Variants in FXYD6 observed in about 807,000 individuals in gnomAD.
FXYD6 encodes FXYD domain-containing ion transport regulator 6.
FXYD6 carries 7 observed loss-of-function variants against 16.7 expected under a neutral mutation model. The observed-to-expected ratio is 0.42, with a 90% CI of 0.24 to 0.79. FXYD6 has a LOEUF of 0.79. FXYD6 is among the 30% of genes least tolerant of loss of function. The pLI, the probability that FXYD6 is intolerant of heterozygous loss-of-function variation, is 0.28. For missense variants in FXYD6, 111 were observed against 116.2 expected (o/e 0.95, Z 0.21); for synonymous variants, 49 against 43.0 (o/e 1.14, Z -0.54).
intron 1 of FXYD6, chr11:117,843,781 G>C (rs528435027): frequency 2.0e-5 from 3 of 152,330 alleles, no homozygotes; most frequent in African/African-American, 7.2e-5. Context: ...CCCAGCCTCT[G>C]CTTCCCCAGA....
At chr11:117,840,447 G>A (rs2056312738) in intron 5 of FXYD6, 79 bp from the exon 6 acceptor site, 2 of 1,587,138 alleles carry the variant, frequency 1.3e-6, no homozygotes, top group Admixed American at 1.7e-5. Flanking sequence ...TCCTCACTGG[G>A]GCACAGCTGC....
At chr11:117,843,368 G>A (rs958066994) in intron 1 of FXYD6, among the ~76,000 whole-genome samples, 5 of 152,224 alleles carry the variant, frequency 3.3e-5, no homozygotes, top group Admixed American at 6.5e-5. Context: ...GCACCAGAGT[G>A]AGTAGCAGGG....
Position 117,858,696 on chromosome 11 carries a change from TTTCTTTC to T in FXYD6, c.-5-15922_-5-15916del, listed in dbSNP as rs1565323679. Among the ~76,000 whole-genome samples, 287 of 67,970 alleles carry T rather than the reference TTTCTTTC, an allele frequency of 4.2e-3. 5 individuals carry two copies. The highest frequency in any genetic ancestry group is 0.019 in the African/African-American group (261 of 13,424). The allele number at this position is 67,970 out of a possible 152,430, so 44.6% of individuals were successfully genotyped here. A position where few individuals can be genotyped will look rare whatever the true frequency, so the allele number is the denominator to read the frequency against. Reference sequence around the variant, plus strand: ...CTTTCTTTCTTTCTTTCTTTCTTTCTTTCTTTCTCTCTCTCTCTCCTTCCTTCCCTTC... The same window carrying T: ...CTTTCTTTCTTTCTTTCTTTCTTTCTTCTCTCTCTCTCCTTCCTTCCCTTC... On this transcript the variant is annotated intron_variant, in intron 1 of 7. Transcript: ENST00000526014.
Position 117,837,991 on chromosome 11 carries a change from C to A in FXYD6, c.*308G>T. On this transcript the variant is annotated 3_prime_UTR_variant, in exon 8 of 8. Transcript: ENST00000526014. This position sits in a 1 kb window ranked among gnomAD's most constrained non-coding sequence, Gnocchi z 4.4. The stretch of plus-strand genomic sequence containing the variant: ...CCACAGTTCACTAACAAACACAATA[C>A]CATCCACAAACAAGTAGCCACAAAG... 2 of 591,876 alleles carry A rather than the reference C, an allele frequency of 3.4e-6. No homozygotes were observed. Among genetic ancestry groups the A allele is most frequent in the Non-Finnish European group, 6.1e-6 (2 of 329,268 alleles). The allele number at this position is 591,876 out of a possible 1,614,324, so 36.7% of individuals were successfully genotyped here.
chr11:117,862,083 GA>G (rs2056919073), intron 1 of FXYD6, among the ~76,000 whole-genome samples: 1 of 152,214 alleles, frequency 6.6e-6, no homozygotes, highest in Non-Finnish European at 1.5e-5. Context: ...AGGAGAAACT[GA>G]AAAGGCGATG....
chr11:117,846,145 G>A (rs902399928), intron 1 of FXYD6, among the ~76,000 whole-genome samples: 1 of 152,180 alleles, frequency 6.6e-6, no homozygotes, highest in Admixed American at 6.5e-5. Flanking sequence ...CAATCTAGAG[G>A]TAAAAGATGG....
intron 1 of FXYD6, among the ~76,000 whole-genome samples, chr11:117,873,764 C>A (rs975210174): frequency 6.6e-6 from 1 of 151,764 alleles, no homozygotes; most frequent in African/African-American, 2.4e-5. Flanking sequence ...GGGTGGACTC[C>A]CCCGAGGCTG....
rs1402159425 is a variant in FXYD6 at position 117,872,738 on chromosome 11, A to G, written c.-6+3854T>C. Reference sequence around the variant, plus strand: ...TCCCTCCCACATCTTTGTAACAAACATGTTCCTGCGCAGCCTACAAGCTGG... The same window carrying G: ...TCCCTCCCACATCTTTGTAACAAACGTGTTCCTGCGCAGCCTACAAGCTGG... On this transcript the variant is annotated intron_variant, in intron 1 of 7. Coordinates refer to ENST00000526014, the MANE Select transcript of FXYD6 (RefSeq NM_022003.4). This position sits in a 1 kb window ranked among gnomAD's most constrained non-coding sequence, Gnocchi z 4.9. Among the ~76,000 whole-genome samples the G allele has an allele frequency of 6.6e-6, 1 of 152,022 alleles. No homozygotes were observed. Among genetic ancestry groups the G allele is most frequent in the Non-Finnish European group, 1.5e-5 (1 of 67,998 alleles).
rs536000754 is a variant in FXYD6 at position 117,846,672 on chromosome 11, G to T, written c.-5-3891C>A. On this transcript the variant is annotated intron_variant, in intron 1 of 7. Coordinates refer to ENST00000526014, the MANE Select transcript of FXYD6 (RefSeq NM_022003.4). ...GCTATGCCACCTTTGTCACATATCT[G>T]ATTTCTATTTGGTGTGCATCAGTTT... Among the ~76,000 whole-genome samples, 3 of 152,288 alleles carry T rather than the reference G, an allele frequency of 2.0e-5. No individual in the cohort carries two copies. In the South Asian group the frequency reaches 6.2e-4, roughly 32 times the overall value.
Position 117,857,598 on chromosome 11 carries a change from G to A in FXYD6, c.-5-14817C>T, listed in dbSNP as rs554768540. Among the ~76,000 whole-genome samples, 14 of 152,062 alleles carry A rather than the reference G, an allele frequency of 9.2e-5. No homozygotes were observed. In the East Asian group the frequency reaches 2.1e-3, roughly 23 times the overall value. The stretch of plus-strand genomic sequence containing the variant: ...TAATTTTTGTATTTTTAGTAGAGAC[G>A]GAGTTTCACCATGTTGGCCAAGATG... On this transcript the variant is annotated intron_variant, in intron 1 of 7. Coordinates refer to ENST00000526014, the MANE Select transcript of FXYD6 (RefSeq NM_022003.4).
At chr11:117,853,888 C>T (rs1305963388) in intron 1 of FXYD6, among the ~76,000 whole-genome samples, 2 of 152,228 alleles carry the variant, frequency 1.3e-5, no homozygotes, top group Non-Finnish European at 1.5e-5. Context: ...ATTTTCATTC[C>T]TTCTTTAAAC....
intron 1 of FXYD6, among the ~76,000 whole-genome samples, 169 bp from the exon 2 acceptor site, chr11:117,842,950 T>C (rs2056388602): frequency 6.6e-6 from 1 of 152,122 alleles, no homozygotes; most frequent in Admixed American, 6.5e-5. Context: ...TTTTTTTTTT[T>C]TGAGACAGAG....
At chr11:117,858,663 CTT>C (rs1704344239) in intron 1 of FXYD6, among the ~76,000 whole-genome samples, 1 of 81,536 alleles carries the variant, frequency 1.2e-5, no homozygotes, top group African/African-American at 5.6e-5. Context: ...TTCTTTCTTT[CTT>C]TCTTTCTTTC....
intron 1 of FXYD6, among the ~76,000 whole-genome samples, chr11:117,853,258 G>A (rs2056647676): frequency 6.6e-6 from 1 of 152,196 alleles, no homozygotes; most frequent in Non-Finnish European, 1.5e-5. Context: ...CTTTCTTTCA[G>A]AGAGCATTTG....
chr11:117,856,949 G>C (rs576645765), intron 1 of FXYD6, among the ~76,000 whole-genome samples: 1 of 152,354 alleles, frequency 6.6e-6, no homozygotes, highest in East Asian at 1.9e-4. Flanking sequence ...GGGCAGAACA[G>C]GGCTGGCAGA....
At chr11:117,857,703 G>A (rs371010279) in intron 1 of FXYD6, among the ~76,000 whole-genome samples, 66 of 152,244 alleles carry the variant, frequency 4.3e-4, no homozygotes, top group Middle Eastern at 3.4e-3. Flanking sequence ...CACCACACCC[G>A]GCCCAGGTGG....
rs573493329 is a variant in FXYD6 at position 117,839,436 on chromosome 11, G to A, written c.*21+345C>T. 17 of 327,254 alleles carry A rather than the reference G, an allele frequency of 5.2e-5. No homozygotes were observed. In the Admixed American group the frequency reaches 6.3e-4, roughly 12 times the overall value. The allele number at this position is 327,254 out of a possible 1,614,324, so 20.3% of individuals were successfully genotyped here. ...CCTAAAGTACTTTCTGAGTCACCAC[G>A]GAAAGCCATTATCTTTATGCTACTT... On this transcript the variant is annotated intron_variant, in intron 7 of 7. Coordinates refer to ENST00000526014, the MANE Select transcript of FXYD6 (RefSeq NM_022003.4).
chr11:117,863,270 T>C (rs1428989834), intron 1 of FXYD6, among the ~76,000 whole-genome samples: 1 of 152,140 alleles, frequency 6.6e-6, no homozygotes, highest in Admixed American at 6.5e-5. Context: ...GAGGCCCCAA[T>C]TTATTCCTGG....
At chr11:117,866,507 A>G (rs778880698) in intron 1 of FXYD6, among the ~76,000 whole-genome samples, 9 of 152,064 alleles carry the variant, frequency 5.9e-5, no homozygotes, top group Admixed American at 2.0e-4. Context: ...TTCTTGCCCA[A>G]CTCTGTTCTG....
Sources: gnomAD v4.1 joint callset for allele counts (sites outside exome capture counted in the v4.1 genomes callset) on GRCh38, gnomAD v4.1.1 for gene constraint, Gnocchi (gnomAD v3.1) non-coding constraint, MANE v1.5 for transcripts, NCBI Gene and HGNC (gene_info 2026-07-23, HGNC 2026-07-21) for gene names.